The following PLXNA4 variants were observed in gnomAD, a reference collection of about 807,000 sequenced individuals.
PLXNA4 encodes the protein plexin-A4.
Under a neutral mutation model 191.8 loss-of-function variants are expected in PLXNA4, and 44 were observed. The ratio of observed to expected loss-of-function variants is 0.23; its 90% confidence interval spans 0.18 to 0.29. The LOEUF (loss-of-function observed/expected upper bound fraction) is 0.29. PLXNA4 is among the 10% of genes least tolerant of loss of function. The probability of loss-of-function intolerance (pLI) is 1.00; values close to 1 mark genes in which losing one functional copy is unlikely to be tolerated. For missense variants in PLXNA4, 1,800 were observed against 2,488.8 expected (o/e 0.72, Z 5.89); for synonymous variants, 1,082 against 1,009.5 (o/e 1.07, Z -1.36).
chr7:132,208,886 C>G (rs373316612), intron 10 of PLXNA4, among the ~76,000 whole-genome samples: 1 of 152,190 alleles, frequency 6.6e-6, no homozygotes. Flanking sequence ...CCTGTTTGTG[C>G]TCTTGTTCCC....
chr7:132,255,079 T>C (rs1799388884), intron 4 of PLXNA4, among the ~76,000 whole-genome samples: 1 of 152,122 alleles, frequency 6.6e-6, no homozygotes, highest in Non-Finnish European at 1.5e-5. Flanking sequence ...CAACCCCCAA[T>C]ACCAAAATGC....
At chr7:132,175,003 C>A (rs1160028494) in intron 20 of PLXNA4, 83 bp from the exon 21 acceptor site, 25 of 1,573,584 alleles carry the variant, frequency 1.6e-5, no homozygotes, top group African/African-American at 2.7e-5. Flanking sequence ...AGAACCCTTA[C>A]CCAAGCCCCT....
intron 3 of PLXNA4, among the ~76,000 whole-genome samples, chr7:132,456,477 G>A (rs187492394): frequency 1.1e-3 from 175 of 152,276 alleles, no homozygotes; most frequent in African/African-American, 4.0e-3. Context: ...TTTCCTAGAA[G>A]AGGCTGGAGG....
intron 3 of PLXNA4, among the ~76,000 whole-genome samples, chr7:132,463,703 C>A (rs1563113823): frequency 6.6e-6 from 1 of 152,142 alleles, no homozygotes; most frequent in Non-Finnish European, 1.5e-5. Context: ...GGGGACACAC[C>A]ATGAGGGCCA....
intron 3 of PLXNA4, among the ~76,000 whole-genome samples, chr7:132,308,488 C>T (rs1234916106): frequency 1.3e-5 from 2 of 152,166 alleles, no homozygotes; most frequent in African/African-American, 2.4e-5. Flanking sequence ...ATGCACTTTA[C>T]ACGCATCAGC....
chr7:132,398,797 C>T (rs964544759), intron 3 of PLXNA4, among the ~76,000 whole-genome samples: 19 of 152,170 alleles, frequency 1.2e-4, no homozygotes, highest in Non-Finnish European at 8.8e-5. Context: ...CTCGCCAGCT[C>T]GAGGTGGACA....
intron 3 of PLXNA4, among the ~76,000 whole-genome samples, chr7:132,469,952 C>T (rs1796871207): frequency 6.6e-6 from 1 of 152,214 alleles, no homozygotes; most frequent in South Asian, 2.1e-4. Context: ...CACCATTTGC[C>T]ACTGTCACAA....
upstream of PLXNA4, among the ~76,000 whole-genome samples, chr7:132,578,180 T>C (rs951446317): frequency 1.3e-5 from 2 of 152,078 alleles, no homozygotes; most frequent in African/African-American, 4.8e-5. Flanking sequence ...CCCCTAGGAA[T>C]GGGCCCACCC....
rs1387839947 is a variant in PLXNA4 at position 132,228,418 on chromosome 7, G to C, written c.1656C>G (p.Ala552=). 6.2e-7 allele frequency: 1 copy of C among 1,614,164 alleles called. No homozygotes were observed. Among genetic ancestry groups the C allele is most frequent in the Admixed American group, 1.7e-5 (1 of 60,020 alleles). The stretch of plus-strand genomic sequence containing the variant: ...GCCGGACACACTGCTTCATCTCCGA[G>C]GCAAACCTGCGGGGCTCCTTGGACC... ...CERSKEPRRF[A]SEMKQCVRLT... The change falls in exon 6 of 32, where the codon GCC becomes GCG. Residue 552 remains alanine (A), a synonymous_variant. Coordinates refer to ENST00000321063, the MANE Select transcript of PLXNA4 (RefSeq NM_020911.2).
chr7:132,211,803 G>A (rs1361200202), intron 9 of PLXNA4, among the ~76,000 whole-genome samples: 1 of 152,180 alleles, frequency 6.6e-6, no homozygotes, highest in Non-Finnish European at 1.5e-5. Context: ...TGCTAGCAAT[G>A]GGCACACTTA....
intron 4 of PLXNA4, among the ~76,000 whole-genome samples, chr7:132,255,915 A>G (rs984860121): frequency 6.6e-6 from 1 of 152,276 alleles, no homozygotes; most frequent in Non-Finnish European, 1.5e-5. Flanking sequence ...GACAGGGAAC[A>G]CTTCCAACTA....
intron 3 of PLXNA4, among the ~76,000 whole-genome samples, chr7:132,448,206 T>G (rs1795984626): frequency 1.3e-5 from 2 of 152,104 alleles, no homozygotes; most frequent in Non-Finnish European, 1.5e-5. Context: ...AAGCTTCCAT[T>G]TTGTCAATAA....
upstream of PLXNA4, among the ~76,000 whole-genome samples, chr7:132,580,188 T>C (rs1802376475): frequency 2.0e-5 from 3 of 152,318 alleles, no homozygotes; most frequent in South Asian, 4.1e-4. Flanking sequence ...TCCAGATGAA[T>C]GTATCTTTTT....
chr7:132,204,012 A>G (rs1285732415), intron 10 of PLXNA4, among the ~76,000 whole-genome samples: 1 of 152,160 alleles, frequency 6.6e-6, no homozygotes, highest in African/African-American at 2.4e-5. Context: ...TTAAGAGAGA[A>G]GAGGACTAGA....
chr7:132,147,786 T>C (rs1450881), intron 27 of PLXNA4, 114 bp downstream of exon 27: 143,123 of 1,404,410 alleles, frequency 0.1, 24,390 homozygotes, highest in African/African-American at 0.77. Flanking sequence ...GGTCAGCCTG[T>C]CTGATGCCCC....
chr7:132,339,118 T>C (rs1802927898), intron 3 of PLXNA4, among the ~76,000 whole-genome samples: 1 of 152,310 alleles, frequency 6.6e-6, no homozygotes, highest in South Asian at 2.1e-4. Flanking sequence ...CTCAAGTGAT[T>C]ATTCCGCTAG....
chr7:132,546,301 G>A (rs1042117578), intron 1 of PLXNA4, among the ~76,000 whole-genome samples: 1 of 152,212 alleles, frequency 6.6e-6, no homozygotes, highest in Admixed American at 6.5e-5. Flanking sequence ...GAAAGGACAA[G>A]TATTAGGGAT....
At chr7:132,220,723 G>T (rs1322799529) in intron 9 of PLXNA4, among the ~76,000 whole-genome samples, 1 of 151,862 alleles carries the variant, frequency 6.6e-6, no homozygotes, top group African/African-American at 2.4e-5. Flanking sequence ...TTTCCCACCT[G>T]GCTTGGAGTC....
chr7:132,202,872 G>A, intron 11 of PLXNA4, 36 bp from the exon 12 acceptor site: 2 of 1,495,880 alleles, frequency 1.3e-6, no homozygotes, highest in African/African-American at 2.8e-5. Flanking sequence ...GGGGTGCTTG[G>A]GAATGGCAGT....
Sources: gnomAD v4.1 joint callset for allele counts (sites outside exome capture counted in the v4.1 genomes callset) on GRCh38, gnomAD v4.1.1 for gene constraint, MANE v1.5 for transcripts, NCBI Gene and HGNC (gene_info 2026-07-23, HGNC 2026-07-21) for gene names.